Variants in KCNH7 observed in about 807,000 individuals in gnomAD.
KCNH7 encodes the protein voltage-gated inwardly rectifying potassium channel KCNH7.
A neutral mutation model predicts 120.8 loss-of-function variants in KCNH7; 49 were observed. That is an observed-to-expected ratio of 0.41 (90% confidence interval 0.32 to 0.51). The LOEUF is 0.51. KCNH7 is among the 20% of genes least tolerant of loss of function. The probability of loss-of-function intolerance (pLI) is 0.38; values close to 1 mark genes in which losing one functional copy is unlikely to be tolerated. For synonymous variants in KCNH7, 547 were observed against 516.1 expected (o/e 1.06, Z -0.81); for missense variants, 1,097 against 1,446.6 (o/e 0.76, Z 3.92).
chr2:162,500,020 C>T lies in KCNH7; in HGVS notation c.1128+4423G>A, dbSNP rs1216642726. 4.0e-5 allele frequency among the ~76,000 whole-genome samples: 6 copies of T among 151,830 alleles called. No homozygotes were observed. In the East Asian group the frequency reaches 1.2e-3, roughly 29 times the overall value. ...TACATTGCACTGTAAAGTCAATGTA[C>T]TGTACTTCTCTACTTCCTTCGAGAC... On this transcript the variant is annotated intron_variant, in intron 6 of 15. Transcript: ENST00000332142.
intron 2 of KCNH7, among the ~76,000 whole-genome samples, chr2:162,813,764 A>G (rs2105574573): frequency 6.6e-6 from 1 of 152,340 alleles, no homozygotes; most frequent in South Asian, 2.1e-4. Context: ...ATTAGAAGAA[A>G]TGAGTTCCAG....
rs141778137 is a variant in KCNH7 at position 162,712,082 on chromosome 2, T to G, written c.307+124455A>C. On this transcript the variant is annotated intron_variant, in intron 2 of 15. Transcript: ENST00000332142. ...GATCAAAGTGTGCTTTGCCCTCAAG[T>G]ACAAGACTCTTTACACGGCACTTAA... 5.0e-3 allele frequency among the ~76,000 whole-genome samples: 759 copies of G among 152,272 alleles called. 4 individuals are homozygous for G. The highest frequency in any genetic ancestry group is 7.9e-3 in the Non-Finnish European group (534 of 68,014).
intron 2 of KCNH7, among the ~76,000 whole-genome samples, chr2:162,625,426 C>T (rs1683517832): frequency 6.6e-6 from 1 of 152,072 alleles, no homozygotes; most frequent in African/African-American, 2.4e-5. Context: ...CACATGTTTC[C>T]TGTTATTATT....
intron 2 of KCNH7, among the ~76,000 whole-genome samples, chr2:162,580,494 C>A (rs1375238039): frequency 6.6e-6 from 1 of 152,000 alleles, no homozygotes; most frequent in Non-Finnish European, 1.5e-5. Flanking sequence ...TTACCCTATT[C>A]CACTCAATTT....
chr2:162,396,402 CAAGT>C (rs1686913223), intron 11 of KCNH7, among the ~76,000 whole-genome samples: 1 of 151,780 alleles, frequency 6.6e-6, no homozygotes, highest in African/African-American at 2.4e-5. Flanking sequence ...AAGATAAACT[CAAGT>C]AATTTTCAAC....
chr2:162,613,955 T>A (rs1474331221), intron 2 of KCNH7, among the ~76,000 whole-genome samples: 5 of 134,790 alleles, frequency 3.7e-5, no homozygotes, highest in African/African-American at 1.1e-4. Context: ...AAGAGAAAGT[T>A]TTTTTTTTTT....
intron 9 of KCNH7, among the ~76,000 whole-genome samples, chr2:162,401,614 A>T (rs1003044779): frequency 6.6e-6 from 1 of 151,958 alleles, no homozygotes; most frequent in Non-Finnish European, 1.5e-5. Flanking sequence ...ATATTCAAGT[A>T]AGCACAAGGA....
intron 1 of KCNH7, among the ~76,000 whole-genome samples, 189 bp downstream of exon 1, chr2:162,838,254 C>G (rs146917552): frequency 0.016 from 2,490 of 152,206 alleles, 62 homozygotes; most frequent in African/African-American, 0.052. Flanking sequence ...AGACCGTAAT[C>G]TAAAATGTAA....
At chr2:162,755,327 C>A (rs1574346534) in intron 2 of KCNH7, among the ~76,000 whole-genome samples, 1 of 151,904 alleles carries the variant, frequency 6.6e-6, no homozygotes, top group Admixed American at 6.6e-5. Flanking sequence ...AAAAAATTAG[C>A]CAGGTTTGGT....
chr2:162,789,057 C>T (rs1019195220), intron 2 of KCNH7, among the ~76,000 whole-genome samples: 2 of 149,876 alleles, frequency 1.3e-5, no homozygotes, highest in African/African-American at 4.9e-5. Context: ...CAAAGGTTTC[C>T]TCAAAAATGA....
intron 2 of KCNH7, among the ~76,000 whole-genome samples, chr2:162,644,888 T>A (rs1485030830): frequency 6.6e-6 from 1 of 152,170 alleles, no homozygotes; most frequent in Non-Finnish European, 1.5e-5. Flanking sequence ...ATATGCAGAA[T>A]GCCTATTTAA....
chr2:162,540,947 A>T (rs185508394), intron 2 of KCNH7, among the ~76,000 whole-genome samples: 17 of 152,024 alleles, frequency 1.1e-4, no homozygotes, highest in Non-Finnish European at 2.2e-4. Flanking sequence ...TCTGTTTGGG[A>T]TGTTTTGAGG....
intron 6 of KCNH7, chr2:162,496,900 G>C (rs967279536): frequency 1.3e-5 from 2 of 152,042 alleles, no homozygotes; most frequent in African/African-American, 2.4e-5. Flanking sequence ...CAATTTGAAG[G>C]AAACTACAGA....
intron 2 of KCNH7, among the ~76,000 whole-genome samples, chr2:162,619,780 C>T (rs1683281882): frequency 6.6e-6 from 1 of 152,044 alleles, no homozygotes; most frequent in East Asian, 1.9e-4. Context: ...GCATCTTCTT[C>T]TACAAGACCT....
chr2:162,684,541 G>C (rs191527985), intron 2 of KCNH7, among the ~76,000 whole-genome samples: 1 of 151,950 alleles, frequency 6.6e-6, no homozygotes, highest in Admixed American at 6.6e-5. Context: ...TGGGCCAAGG[G>C]TATGAACAGA....
chr2:162,555,862 C>A (rs1375376656), intron 2 of KCNH7, among the ~76,000 whole-genome samples: 1 of 151,912 alleles, frequency 6.6e-6, no homozygotes, highest in Non-Finnish European at 1.5e-5. Flanking sequence ...TATATTTTAA[C>A]AGGATCATTT....
chr2:162,673,904 T>A (rs147426439), intron 2 of KCNH7, among the ~76,000 whole-genome samples: 6 of 152,116 alleles, frequency 3.9e-5, no homozygotes, highest in African/African-American at 1.4e-4. Flanking sequence ...CTTAATGCTA[T>A]CTGCCAAAAT....
intron 2 of KCNH7, among the ~76,000 whole-genome samples, chr2:162,695,367 CA>C (rs1686253693): frequency 6.6e-6 from 1 of 151,990 alleles, no homozygotes; most frequent in Admixed American, 6.6e-5. Flanking sequence ...CAAATTTGCC[CA>C]AATCCCAACA....
At chr2:162,732,764 C>T (rs1460366768) in intron 2 of KCNH7, among the ~76,000 whole-genome samples, 1 of 152,122 alleles carries the variant, frequency 6.6e-6, no homozygotes, top group Non-Finnish European at 1.5e-5. Flanking sequence ...GTTTTGGGTA[C>T]TTTTGTTATG....
Sources: gnomAD v4.1 joint callset for allele counts (sites outside exome capture counted in the v4.1 genomes callset) on GRCh38, gnomAD v4.1.1 for gene constraint, MANE v1.5 for transcripts, NCBI Gene and HGNC (gene_info 2026-07-23, HGNC 2026-07-21) for gene names.